DHX35: variants seen among roughly 807,000 people sequenced by gnomAD.
DHX35 encodes probable ATP-dependent RNA helicase DHX35.
A neutral mutation model predicts 99.6 loss-of-function variants in DHX35; 84 were observed. That is an observed-to-expected ratio of 0.84 (90% CI 0.71 to 1.01). The LOEUF (loss-of-function observed/expected upper bound fraction) is 1.01, where lower values mean the gene tolerates loss of function less well. DHX35 is among the 50% of genes least tolerant of loss of function. The pLI, the probability that DHX35 is intolerant of heterozygous loss-of-function variation, is 0.00. For missense variants in DHX35, 852 were observed against 888.5 expected (o/e 0.96, Z 0.52); for synonymous variants, 331 against 316.2 (o/e 1.05, Z -0.50).
rs149512176 is a variant in DHX35, at chr20:39,006,989, T to G, written c.1222+633T>G. Among the ~76,000 whole-genome samples, 10 of 152,320 alleles carry G rather than the reference T, an allele frequency of 6.6e-5. No individual in the cohort carries two copies. In the East Asian group the frequency reaches 1.7e-3, roughly 26 times the overall value. On this transcript the variant is annotated intron_variant, in intron 12 of 21. Transcript: ENST00000252011. ...CCCAGAGCTGCTCTTTCTCTGCACTTCTCTTCTGTGGGGAATGCTGCTGAC... is the reference window on the plus strand; with the variant it reads ...CCCAGAGCTGCTCTTTCTCTGCACTGCTCTTCTGTGGGGAATGCTGCTGAC...
intron 14 of DHX35, among the ~76,000 whole-genome samples, chr20:39,016,629 C>T (rs1259493481): frequency 1.3e-5 from 2 of 152,150 alleles, no homozygotes; most frequent in African/African-American, 4.8e-5. Context: ...TTTTGGTGGA[C>T]ATTCCCACCA....
chr20:39,002,038 C>G (rs1018689096), intron 9 of DHX35, among the ~76,000 whole-genome samples, 196 bp downstream of exon 9: 1 of 152,184 alleles, frequency 6.6e-6, no homozygotes, highest in Non-Finnish European at 1.5e-5. Flanking sequence ...CACTGACATG[C>G]AAGTTTCCGT....
At chr20:38,965,259 AAC>A (rs1262752724) in intron 1 of DHX35, among the ~76,000 whole-genome samples, 1 of 152,212 alleles carries the variant, frequency 6.6e-6, no homozygotes, top group Non-Finnish European at 1.5e-5. Context: ...CATCTTATTA[AAC>A]AGTCACAGTA....
At position 38,988,828 on chromosome 20, in the gene DHX35, G is replaced by T; in HGVS notation, c.361G>T (p.Ala121Ser). ...CTTCCCAAAGGTTGCAGGGAGAGTA[G>T]CTGAAGAAAGGGGTGCAGTGCTGGG... ...VAAVTVAGRV[A>S]EERGAVLGHE... The change falls in exon 5 of 22, where the codon GCT (alanine) becomes TCT (serine). Residue 121 changes from alanine (A) to serine (S), a missense_variant. Physicochemically the swap from Ala to Ser is moderately conservative, Grantham distance 99. Transcript: ENST00000252011. 1 of 1,613,778 alleles carries T rather than the reference G, an allele frequency of 6.2e-7. No individual in the cohort carries two copies. The highest frequency in any genetic ancestry group is 8.5e-7 in the Non-Finnish European group (1 of 1,179,824).
At chr20:38,987,383 C>G (rs991597318) in intron 4 of DHX35, among the ~76,000 whole-genome samples, 2 of 152,158 alleles carry the variant, frequency 1.3e-5, no homozygotes, top group Non-Finnish European at 2.9e-5. Flanking sequence ...GCTGGGATTA[C>G]AGGCGCATGC....
At chr20:39,013,130 GA>G (rs371639509) in intron 13 of DHX35, among the ~76,000 whole-genome samples, 3,191 of 147,532 alleles carry the variant, frequency 0.022, 114 homozygotes, top group African/African-American at 0.073. Context: ...GTTGAAAAAT[GA>G]AAAAAAAAAT....
At chr20:38,977,911 T>G in intron 3 of DHX35, 2 of 586,172 alleles carry the variant, frequency 3.4e-6, no homozygotes, top group South Asian at 2.9e-5. Context: ...TTCTTCAGTT[T>G]CCTCATCATC....
At position 39,038,828 on chromosome 20, in the gene DHX35, C is replaced by A; in HGVS notation, c.*285C>A. On this transcript the variant is annotated 3_prime_UTR_variant, in exon 22 of 22. Transcript: ENST00000252011. ...CGCTCACTAACCCAGCATGCCACTT[C>A]CAGCAGGCATGCAGTCCTGGCCCAG... 2.0e-6 allele frequency: 1 copy of A among 495,970 alleles called. No individual in the cohort carries two copies. Among genetic ancestry groups the A allele is most frequent in the Non-Finnish European group, 3.6e-6 (1 of 274,306 alleles). 30.7% of individuals were successfully genotyped at this position (495,970 alleles called of 1,614,324 possible).
At chr20:39,021,424 C>T (rs2086869965) in intron 15 of DHX35, among the ~76,000 whole-genome samples, 1 of 152,190 alleles carries the variant, frequency 6.6e-6, no homozygotes, top group Admixed American at 6.5e-5. Context: ...TTCAAGGCTA[C>T]TATTCATCTG....
rs574172267 is a variant in DHX35, at chr20:38,962,715, C to T, written c.40+308C>T. 13 of 418,614 alleles carry T rather than the reference C, an allele frequency of 3.1e-5. No homozygotes were observed. In the East Asian group the frequency reaches 4.8e-4, roughly 15 times the overall value. 25.9% of individuals were successfully genotyped at this position (418,614 alleles called of 1,614,324 possible). A position where few individuals can be genotyped will look rare whatever the true frequency, so the allele number is the denominator to read the frequency against. On this transcript the variant is annotated intron_variant, in intron 1 of 21. Transcript: ENST00000252011. ...CCGCGAGATGGGGAATCCTAAAGCT[C>T]CCTCTCGTGTCTCGTTAGCGCCCTG...
chr20:38,965,906 C>T (rs1452078939), intron 1 of DHX35, among the ~76,000 whole-genome samples: 1 of 152,160 alleles, frequency 6.6e-6, no homozygotes, highest in Non-Finnish European at 1.5e-5. Context: ...ATGTGCATGA[C>T]GAAAACTTTA....
chr20:38,997,265 C>T (rs73621983), intron 8 of DHX35, among the ~76,000 whole-genome samples: 55,817 of 151,720 alleles, frequency 0.37, 10,676 homozygotes, highest in Middle Eastern at 0.51. Flanking sequence ...GAGATGGGGT[C>T]TCATCATGTT....
intron 1 of DHX35, 80 bp downstream of exon 1, chr20:38,962,487 GCAGA>G (rs1053473200): frequency 2.6e-6 from 4 of 1,541,558 alleles, no homozygotes; most frequent in Non-Finnish European, 3.5e-6. Context: ...CCTGGGGCCA[GCAGA>G]CCTGCTCGCA....
intron 19 of DHX35, chr20:39,029,262 T>A (rs1039394991): frequency 1.3e-5 from 2 of 152,136 alleles, no homozygotes; most frequent in Non-Finnish European, 2.9e-5. Context: ...AAAGAATTTC[T>A]CCCCAGCTCT....
intron 14 of DHX35, among the ~76,000 whole-genome samples, chr20:39,015,296 C>T (rs1191850297): frequency 6.6e-6 from 1 of 152,178 alleles, no homozygotes; most frequent in African/African-American, 2.4e-5. Flanking sequence ...AAAATCGTGG[C>T]TCAGTATTCT....
intron 11 of DHX35, among the ~76,000 whole-genome samples, chr20:39,004,284 C>G (rs1246962842): frequency 2.6e-5 from 4 of 152,106 alleles, no homozygotes; most frequent in South Asian, 2.1e-4. Flanking sequence ...CCAGGATGGT[C>G]TCGATCTCCT....
At chr20:39,006,089 T>G (rs1188874636) in intron 11 of DHX35, 57 bp from the exon 12 acceptor site, 4 of 1,570,810 alleles carry the variant, frequency 2.5e-6, no homozygotes, top group Non-Finnish European at 2.6e-6. Flanking sequence ...TTTTACGAGT[T>G]TGTTAAAAGC....
intron 20 of DHX35, among the ~76,000 whole-genome samples, chr20:39,033,879 TC>T (rs1338312139): frequency 4.6e-5 from 7 of 152,198 alleles, no homozygotes; most frequent in Non-Finnish European, 1.0e-4. Context: ...AGTCTTTGCC[TC>T]CATTTCTGCA....
chr20:38,965,647 A>G (rs2085899427), intron 1 of DHX35, among the ~76,000 whole-genome samples: 1 of 152,118 alleles, frequency 6.6e-6, no homozygotes, highest in Non-Finnish European at 1.5e-5. Flanking sequence ...CCTAATATCC[A>G]GATCTGAATG....
Sources: allele counts gnomAD v4.1 joint callset (sites outside exome capture counted in the v4.1 genomes callset), GRCh38; gene constraint gnomAD v4.1.1; transcripts MANE v1.5; gene names NCBI Gene and HGNC (gene_info 2026-07-23, HGNC 2026-07-21).